The following UNC80 variants were observed in gnomAD, a reference collection of about 807,000 sequenced individuals.
The protein encoded by UNC80 is protein unc-80 homolog.
In UNC80, 164 loss-of-function variants were observed where a neutral mutation model predicts 384.6. That is an observed-to-expected ratio of 0.43 (90% CI 0.38 to 0.49). The LOEUF (loss-of-function observed/expected upper bound fraction) is 0.49, where lower values mean the gene tolerates loss of function less well. Ranked by LOEUF, UNC80 falls within the 20% of genes least tolerant of loss-of-function variation. The pLI, the probability that UNC80 is intolerant of heterozygous loss-of-function variation, is 0.00. For synonymous variants in UNC80, 1,486 were observed against 1,527.8 expected (o/e 0.97, Z 0.64); for missense variants, 3,330 against 4,143.0 (o/e 0.80, Z 5.39).
intron 22 of UNC80, among the ~76,000 whole-genome samples, chr2:209,853,840 G>C (rs950734032): frequency 6.6e-6 from 1 of 152,066 alleles, no homozygotes; most frequent in Non-Finnish European, 1.5e-5. Flanking sequence ...AATTCCATAA[G>C]TATAAGACCA....
In UNC80 at chr2:209,848,960, G is replaced by A. The variant is rs1559194281; in HGVS notation, c.3455-491G>A. Among the ~76,000 whole-genome samples, 3 of 152,096 alleles carry A rather than the reference G, an allele frequency of 2.0e-5. No individual in the cohort carries two copies. The East Asian group carries it at 5.8e-4, about 29-fold the overall frequency. Reference sequence around the variant, plus strand: ...CCAGTAGCCAGTGATTCTTTGCACTGTAACTGAGAAAAGGTTTTTCCTTTC... The same window carrying A: ...CCAGTAGCCAGTGATTCTTTGCACTATAACTGAGAAAAGGTTTTTCCTTTC... On this transcript the variant is annotated intron_variant, in intron 21 of 64. Coordinates refer to ENST00000673920, the MANE Select transcript of UNC80 (RefSeq NM_001371986.1).
At chr2:209,853,364 G>T (rs1172036903) in intron 22 of UNC80, among the ~76,000 whole-genome samples, 3 of 151,954 alleles carry the variant, frequency 2.0e-5, no homozygotes, top group Non-Finnish European at 4.4e-5. Flanking sequence ...GAATTAAAAA[G>T]AATTGTTAGA....
intron 12 of UNC80, among the ~76,000 whole-genome samples, 197 bp downstream of exon 12, chr2:209,819,458 A>T (rs944542842): frequency 6.6e-6 from 1 of 151,728 alleles, no homozygotes; most frequent in Admixed American, 6.6e-5. Flanking sequence ...GCATTGCATT[A>T]GATTTGATCT....
rs1205754138 is a variant in UNC80, at chr2:209,930,981, A to G, written c.5921A>G (p.Tyr1974Cys). The part of the protein sequence containing the change: ...TISNRQDELM[Y>C]MLRKLLLNIG... Reference sequence around the variant, plus strand: ...TTCTTCTTTCAGGATGAGTTAATGTACATGCTGCGCAAACTTCTCTTGAAT... The same window carrying G: ...TTCTTCTTTCAGGATGAGTTAATGTGCATGCTGCGCAAACTTCTCTTGAAT... Residue 1974 changes from tyrosine (Y) to cysteine (C), a missense_variant, in exon 38 of 65, where the codon TAC becomes TGC. Physicochemically the swap from Tyr to Cys is radical, Grantham distance 194. Coordinates refer to ENST00000673920, the MANE Select transcript of UNC80 (RefSeq NM_001371986.1). 1.3e-6 allele frequency: 2 copies of G among 1,548,874 alleles called. No homozygotes were observed.
In UNC80 at chr2:209,993,351, A is replaced by G. The variant is rs766554337; in HGVS notation, c.9433A>G (p.Thr3145Ala). The change falls in exon 63 of 65, where the codon ACT (threonine) becomes GCT (alanine). Residue 3145 changes from threonine to alanine, a missense_variant. Transcript: ENST00000673920. The part of the protein sequence containing the change: ...RPLLSRQKTQ[T>A]EPRNRQGARL... ...TCTACTATCACGTCAGAAAACTCAG[A>G]CTGAACCCAGAAATCGCCAAGGGGC... 4.5e-6 allele frequency: 7 copies of G among 1,551,824 alleles called. No individual in the cohort carries two copies. The African/African-American group carries it at 9.6e-5, about 21-fold the overall frequency.
At chr2:209,831,867 T>C (rs2080994608) in intron 16 of UNC80, among the ~76,000 whole-genome samples, 1 of 152,214 alleles carries the variant, frequency 6.6e-6, no homozygotes, top group South Asian at 2.1e-4. Flanking sequence ...TAAAGTATGC[T>C]GAGCCCTTCA....
intron 36 of UNC80, among the ~76,000 whole-genome samples, chr2:209,928,956 A>G (rs1431381386): frequency 6.6e-6 from 1 of 152,122 alleles, no homozygotes; most frequent in Non-Finnish European, 1.5e-5. Flanking sequence ...GGCTTATTTC[A>G]CATGTAAAGA....
At chr2:209,841,181 G>T (rs559376495) in intron 20 of UNC80, among the ~76,000 whole-genome samples, 1 of 152,288 alleles carries the variant, frequency 6.6e-6, no homozygotes, top group African/African-American at 2.4e-5. Flanking sequence ...CCACCCTGTG[G>T]TTGCTTCATG....
intron 52 of UNC80, chr2:209,967,884 C>A: frequency 2.6e-6 from 1 of 380,178 alleles, no homozygotes; most frequent in Non-Finnish European, 4.7e-6. Flanking sequence ...AGCTATCATG[C>A]TCCTCATCTG....
rs543989351 is a variant in UNC80 at position 209,913,131 on chromosome 2, G to T, written c.4890+464G>T. 5.9e-5 allele frequency among the ~76,000 whole-genome samples: 9 copies of T among 152,210 alleles called. No individual in the cohort carries two copies. In the South Asian group the frequency reaches 1.5e-3, roughly 25 times the overall value. ...AATTATGGCATGGATTAAAGAAAAT[G>T]GTTCATGTACCTACTTATCCAGTGC... On this transcript the variant is annotated intron_variant, in intron 30 of 64. Coordinates refer to ENST00000673920, the MANE Select transcript of UNC80 (RefSeq NM_001371986.1).
chr2:209,921,233 C>A (rs2090016854), intron 33 of UNC80, among the ~76,000 whole-genome samples: 1 of 151,964 alleles, frequency 6.6e-6, no homozygotes, highest in Non-Finnish European at 1.5e-5. Flanking sequence ...CATTGATATC[C>A]CTGCAAATCC....
chr2:209,800,658 A>G (rs879764538), intron 7 of UNC80, among the ~76,000 whole-genome samples: 2 of 152,094 alleles, frequency 1.3e-5, no homozygotes, highest in Non-Finnish European at 1.5e-5. Flanking sequence ...TAGCAGGTCA[A>G]TTTTAGATCT....
At chr2:209,871,912 A>G (rs968409352) in intron 22 of UNC80, among the ~76,000 whole-genome samples, 4 of 151,502 alleles carry the variant, frequency 2.6e-5, no homozygotes, top group Non-Finnish European at 5.9e-5. Context: ...TCTTTATCAA[A>G]CATTTTCAAT....
intron 24 of UNC80, among the ~76,000 whole-genome samples, 160 bp from the exon 25 acceptor site, chr2:209,880,801 A>G (rs2085222547): frequency 6.6e-6 from 1 of 152,230 alleles, no homozygotes; most frequent in Non-Finnish European, 1.5e-5. Context: ...TTACATAGAT[A>G]TAGATGAAGT....
chr2:209,786,146 T>A lies in UNC80; in HGVS notation c.681T>A (p.Ser227=). ...GGGAACACAGACAGCCCGGAGTCTC[T>A]GGCTTTACCGCACTGGTGAAGCCCA... The part of the protein sequence containing the change: ...PMWEHRQPGV[S]GFTALVKPIR... Residue 227 remains serine, a synonymous_variant, in exon 5 of 65, where the codon TCT becomes TCA. Transcript: ENST00000673920. 6.2e-7 allele frequency: 1 copy of A among 1,614,086 alleles called. No homozygotes were observed. The highest frequency in any genetic ancestry group is 8.5e-7 in the Non-Finnish European group (1 of 1,179,958).
chr2:209,781,405 G>T (rs1249717727), intron 4 of UNC80, among the ~76,000 whole-genome samples: 1 of 152,128 alleles, frequency 6.6e-6, no homozygotes, highest in Non-Finnish European at 1.5e-5. Flanking sequence ...TGTTTTTTAG[G>T]TTTCTGTACC....
chr2:209,793,885 A>G (rs779589313), intron 7 of UNC80, 26 bp downstream of exon 7: 1 of 1,611,450 alleles, frequency 6.2e-7, no homozygotes, highest in Non-Finnish European at 8.5e-7. Context: ...GTTAGGGACA[A>G]AATGTGTCAC....
At chr2:209,932,847 A>G (rs1056264401) in intron 38 of UNC80, among the ~76,000 whole-genome samples, 1 of 152,128 alleles carries the variant, frequency 6.6e-6, no homozygotes, top group East Asian at 1.9e-4. Context: ...TGATCAATGC[A>G]CTTTAACCCA....
intron 61 of UNC80, among the ~76,000 whole-genome samples, chr2:209,987,226 A>G (rs2093307392): frequency 6.6e-6 from 1 of 152,218 alleles, no homozygotes; most frequent in Admixed American, 6.5e-5. Flanking sequence ...TGGGCTAAAT[A>G]AGGAAGAGAC....
Sources: allele counts gnomAD v4.1 joint callset (sites outside exome capture counted in the v4.1 genomes callset), GRCh38; gene constraint gnomAD v4.1.1; transcripts MANE v1.5; gene names NCBI Gene and HGNC (gene_info 2026-07-23, HGNC 2026-07-21).